BDP1: variants seen among roughly 807,000 people sequenced by gnomAD.
BDP1 encodes BDP1 general transcription factor IIIB subunit.
In BDP1, 169 loss-of-function variants were observed where a neutral mutation model predicts 266.6. That is an observed-to-expected ratio of 0.63 (90% CI 0.56 to 0.72). The LOEUF (loss-of-function observed/expected upper bound fraction) is 0.72. Among genes scored for constraint, BDP1 ranks in the 30% least tolerant of loss-of-function variants. The pLI is 0.00. For synonymous variants in BDP1, 1,090 were observed against 1,022.4 expected, an observed-to-expected ratio of 1.07 and a Z score of -1.26; for missense variants, 3,015 against 3,053.8, an observed-to-expected ratio of 0.99 and a Z score of 0.30.
chr5:71,548,164 C>A (rs276599), intron 32 of BDP1, among the ~76,000 whole-genome samples: 67,393 of 151,612 alleles, frequency 0.44, 15,348 homozygotes, highest in South Asian at 0.55. Flanking sequence ...TGGCGTGCAT[C>A]TGTACTCCCA....
downstream of BDP1, among the ~76,000 whole-genome samples, chr5:71,570,215 A>G (rs1203401617): frequency 6.6e-6 from 1 of 152,216 alleles, no homozygotes; most frequent in Non-Finnish European, 1.5e-5. Flanking sequence ...TCTGGAAATC[A>G]GTATAATTTC....
At chr5:71,466,009 G>C (rs181116369) in intron 4 of BDP1, 87 bp from the exon 5 acceptor site, 1 of 1,378,482 alleles carries the variant, frequency 7.3e-7, no homozygotes, top group Admixed American at 2.2e-5. Context: ...CTAGAAGGTT[G>C]AGTTTGTAAT....
chr5:71,491,025 T>C lies in BDP1; in HGVS notation c.1534T>C (p.Cys512Arg). The C allele has an allele frequency of 1.2e-6, 2 of 1,613,778 alleles. No homozygotes were observed. Among genetic ancestry groups the C allele is most frequent in the Non-Finnish European group, 1.7e-6 (2 of 1,179,818 alleles). The change falls in exon 11 of 39, where the codon TGC becomes CGC. Residue 512 changes from cysteine (C) to arginine (R), a missense_variant. Transcript: ENST00000358731. ...AIRPELKEGE[C>R]SKEQMLSCTQ... ...AAGGCCTGAGCTAAAGGAAGGTGAA[T>C]GCAGTAAGGAGCAGATGCTTTCCTG... is the stretch of plus-strand genomic sequence containing the variant.
chr5:71,504,784 G>A, intron 16 of BDP1, 33 bp downstream of exon 16: 1 of 1,598,792 alleles, frequency 6.3e-7, no homozygotes, highest in Non-Finnish European at 8.5e-7. Flanking sequence ...ATAATCTTTG[G>A]ATTTTGTAAA....
rs1408436315 is a variant in BDP1 at position 71,517,565 on chromosome 5, A to G, written c.4991+113A>G. 2.2e-5 allele frequency: 20 copies of G among 928,642 alleles called. 1 individual carries two copies. Among genetic ancestry groups the G allele is most frequent in the Non-Finnish European group, 1.6e-6 (1 of 631,502 alleles). The allele number at this position is 928,642 out of a possible 1,614,324, so 57.5% of individuals were successfully genotyped here. A position where few individuals can be genotyped will look rare whatever the true frequency, so the allele number is the denominator to read the frequency against. ...CACATCCTGAAAATGTTAAAAGGAT[A>G]AAGTAATAAATACTTGTGATACTAG... is the stretch of plus-strand genomic sequence containing the variant. On this transcript the variant is annotated intron_variant, in intron 22 of 38. Coordinates refer to ENST00000358731, the MANE Select transcript of BDP1 (RefSeq NM_018429.3).
intron 10 of BDP1, among the ~76,000 whole-genome samples, chr5:71,490,064 A>G (rs1008802250): frequency 6.6e-6 from 1 of 152,208 alleles, no homozygotes; most frequent in Non-Finnish European, 1.5e-5. Flanking sequence ...TAGTTCCTAT[A>G]AAAGAACTAG....
intron 16 of BDP1, 88 bp downstream of exon 16, chr5:71,504,839 A>G (rs1764486858): frequency 7.0e-6 from 9 of 1,293,440 alleles, no homozygotes; most frequent in African/African-American, 3.0e-5. Context: ...AGCAATTTAG[A>G]TGGATTTGTT....
chr5:71,539,035 T>A lies in BDP1; in HGVS notation c.5893-7T>A, dbSNP rs1766801529. 2 of 1,592,884 alleles carry A rather than the reference T, an allele frequency of 1.3e-6. No homozygotes were observed. Among genetic ancestry groups the A allele is most frequent in the African/African-American group, 2.7e-5 (2 of 74,388 alleles). ...TTTAAGATGTTACTTATTTTTTTCCTTTTTAGGAAATGACCACAAGTGAAC... is the reference window on the plus strand; with the variant it reads ...TTTAAGATGTTACTTATTTTTTTCCATTTTAGGAAATGACCACAAGTGAAC... On this transcript the variant is annotated splice_region_variant and splice_polypyrimidine_tract_variant and intron_variant, in intron 26 of 38. Transcript: ENST00000358731.
chr5:71,549,331 A>C, intron 33 of BDP1, 89 bp from the exon 34 acceptor site: 2 of 1,082,826 alleles, frequency 1.8e-6, no homozygotes, highest in Non-Finnish European at 2.6e-6. Context: ...AGTTGTCCTG[A>C]GACTGTCTTT....
chr5:71,565,252 CAT>C lies in BDP1; in HGVS notation c.*370_*371del, dbSNP rs1743959910. On this transcript the variant is annotated 3_prime_UTR_variant, in exon 39 of 39. Transcript: ENST00000358731. ...AGACAGATTTGGGGGTTAATTGTATCATATTTAACATTTAGCAACTTCTTTTG... is the reference window on the plus strand; with the variant it reads ...AGACAGATTTGGGGGTTAATTGTATCATTTAACATTTAGCAACTTCTTTTG... The C allele has an allele frequency of 6.2e-6, 1 of 161,600 alleles. No homozygotes were observed. The highest frequency in any genetic ancestry group is 2.4e-5 in the African/African-American group (1 of 41,752). The allele number at this position is 161,600 out of a possible 1,614,324, so 10.0% of individuals were successfully genotyped here.
chr5:71,520,689 TAAGTGCTGATGA>T (rs1765449162), intron 22 of BDP1, among the ~76,000 whole-genome samples: 1 of 152,190 alleles, frequency 6.6e-6, no homozygotes, highest in African/African-American at 2.4e-5. Context: ...GGCATTGTTC[TAAGTGCTGATGA>T]TGTAGGAATA....
At chr5:71,561,525 G>A (rs1743652544) in intron 37 of BDP1, among the ~76,000 whole-genome samples, 1 of 152,258 alleles carries the variant, frequency 6.6e-6, no homozygotes, top group Admixed American at 6.5e-5. Context: ...TTTAGGCTTT[G>A]TAAGCCATGT....
In BDP1 at chr5:71,510,506, T is replaced by C; in HGVS notation, c.3414T>C (p.Thr1138=). Residue 1138 remains threonine (T), a synonymous_variant, in exon 17 of 39, where the codon ACT becomes ACC. Transcript: ENST00000358731. ...REKTPEVIDA[T]EEIDKDLEET... is the part of the protein sequence containing the mutation. Reference sequence around the variant, plus strand: ...AGACACCAGAGGTGATTGATGCCACTGAGGAAATAGACAAAGATCTGGAAG... The same window carrying C: ...AGACACCAGAGGTGATTGATGCCACCGAGGAAATAGACAAAGATCTGGAAG... 1 of 1,613,316 alleles carries C rather than the reference T, an allele frequency of 6.2e-7. No homozygotes were observed.
chr5:71,534,563 G>C (rs1386825893), intron 26 of BDP1, among the ~76,000 whole-genome samples: 2 of 152,018 alleles, frequency 1.3e-5, no homozygotes, highest in Non-Finnish European at 2.9e-5. Context: ...GCAGTGGCAT[G>C]ATCTCAGCTC....
At chr5:71,508,053 C>T (rs1764679504) in intron 16 of BDP1, among the ~76,000 whole-genome samples, 1 of 152,100 alleles carries the variant, frequency 6.6e-6, no homozygotes, top group Admixed American at 6.6e-5. Context: ...CAACCTCCGC[C>T]CCCTGGGTTC....
chr5:71,512,414 A>C lies in BDP1; in HGVS notation c.4233A>C (p.Ser1411=), dbSNP rs570458859. 5 of 1,546,862 alleles carry C rather than the reference A, an allele frequency of 3.2e-6. No homozygotes were observed. In the African/African-American group the frequency reaches 7.0e-5, roughly 22 times the overall value. ...CTCCAGATGTTCCAGAGCAGTTTTC[A>C]GATATTAATTTAAGGTACAAGTGTG... The part of the protein sequence containing the change: ...IQSPDVPEQF[S]DINLSKSLPQ... The change falls in exon 18 of 39, where the codon TCA becomes TCC. Residue 1411 remains serine (S), a synonymous_variant. Transcript: ENST00000358731.
chr5:71,489,393 CTT>C lies in BDP1; in HGVS notation c.1214-10_1214-9del. On this transcript the variant is annotated splice_polypyrimidine_tract_variant and intron_variant, in intron 9 of 38. Coordinates refer to ENST00000358731, the MANE Select transcript of BDP1 (RefSeq NM_018429.3). ...TGTTTAAATATTTATAGTAATTTCT[CTT>C]GTTTTCAGTGAAAAAAGTTGCCTGT... 1 of 1,571,202 alleles carries C rather than the reference CTT, an allele frequency of 6.4e-7. No homozygotes were observed. The highest frequency in any genetic ancestry group is 8.6e-7 in the Non-Finnish European group (1 of 1,164,218).
chr5:71,523,073 C>A, intron 24 of BDP1, 124 bp downstream of exon 24: 3 of 650,204 alleles, frequency 4.6e-6, no homozygotes, highest in Non-Finnish European at 7.7e-6. Flanking sequence ...AGAAACTTGA[C>A]CAAAGAGGAG....
At chr5:71,576,567 G>C in the BDP1 span, among the ~76,000 whole-genome samples, 37 of 152,274 alleles carry the variant, frequency 2.4e-4, no homozygotes, top group African/African-American at 8.2e-4. Flanking sequence ...CCCTTCAATA[G>C]TTCCTACCCC....
Sources: allele counts gnomAD v4.1 joint callset (sites outside exome capture counted in the v4.1 genomes callset), GRCh38; gene constraint gnomAD v4.1.1; transcripts MANE v1.5; gene names NCBI Gene and HGNC (gene_info 2026-07-23, HGNC 2026-07-21).